The following REDIC1 variants were observed in gnomAD, a reference collection of about 807,000 sequenced individuals.
REDIC1 encodes HEI10 Interacting Protein 1.
the REDIC1 span, among the ~76,000 whole-genome samples, chr12:39,708,262 C>T: frequency 6.6e-6 from 1 of 151,722 alleles, no homozygotes; most frequent in Admixed American, 6.6e-5. Flanking sequence ...ATCAAAACAT[C>T]TCATGTGCCC....
the REDIC1 span, among the ~76,000 whole-genome samples, chr12:39,627,118 A>T: frequency 6.6e-6 from 1 of 152,196 alleles, no homozygotes; most frequent in Admixed American, 6.5e-5. Context: ...CCAGGACAGT[A>T]ATTATATGTT....
At chr12:39,777,475 G>C in the REDIC1 span, among the ~76,000 whole-genome samples, 2 of 152,222 alleles carry the variant, frequency 1.3e-5, no homozygotes, top group South Asian at 4.1e-4. Context: ...GCTAGGTAGA[G>C]GAGGGCGTGG....
chr12:39,658,724 T>G, the REDIC1 span, among the ~76,000 whole-genome samples: 1 of 152,218 alleles, frequency 6.6e-6, no homozygotes, highest in African/African-American at 2.4e-5. Flanking sequence ...TTATTAGCTA[T>G]AATTCTGTTT....
the REDIC1 span, among the ~76,000 whole-genome samples, chr12:39,723,963 A>G: frequency 2.0e-5 from 3 of 152,154 alleles, no homozygotes; most frequent in South Asian, 6.2e-4. Flanking sequence ...AGCAAATGCT[A>G]TCTGTGCCCA....
the REDIC1 span, among the ~76,000 whole-genome samples, chr12:39,802,864 CTAGGA>C: frequency 6.6e-6 from 1 of 151,946 alleles, no homozygotes; most frequent in Non-Finnish European, 1.5e-5. Context: ...AATGAATAAT[CTAGGA>C]ACCTCCAAGT....
chr12:39,866,896 A>G, the REDIC1 span, among the ~76,000 whole-genome samples: 24 of 152,310 alleles, frequency 1.6e-4, no homozygotes, highest in African/African-American at 5.5e-4. Flanking sequence ...AAGGATGGGG[A>G]GGATTAAAGA....
At chr12:39,891,753 C>G in the REDIC1 span, among the ~76,000 whole-genome samples, 1 of 152,160 alleles carries the variant, frequency 6.6e-6, no homozygotes, top group East Asian at 1.9e-4. Flanking sequence ...CAGATCAGGG[C>G]TCAGTCCCCT....
chr12:39,885,502 A>T, the REDIC1 span, among the ~76,000 whole-genome samples: 1 of 152,150 alleles, frequency 6.6e-6, no homozygotes, highest in African/African-American at 2.4e-5. Flanking sequence ...CTTCTATGGC[A>T]TGGCTTACCT....
At chr12:39,763,077 T>G in the REDIC1 span, among the ~76,000 whole-genome samples, 1 of 152,042 alleles carries the variant, frequency 6.6e-6, no homozygotes, top group South Asian at 2.1e-4. Flanking sequence ...ATTTAAGTGT[T>G]CTCTAGAATC....
the REDIC1 span, among the ~76,000 whole-genome samples, chr12:39,736,559 T>G: frequency 1.3e-5 from 2 of 152,322 alleles, no homozygotes; most frequent in Admixed American, 1.3e-4. Context: ...CCACAGAAGG[T>G]GGAGTCTAAT....
At chr12:39,849,965 C>T in the REDIC1 span, among the ~76,000 whole-genome samples, 1 of 151,716 alleles carries the variant, frequency 6.6e-6, no homozygotes, top group African/African-American at 2.4e-5. Flanking sequence ...TACTTTAATC[C>T]TATGGTTTAA....
At chr12:39,659,469 C>G in the REDIC1 span, among the ~76,000 whole-genome samples, 1 of 151,900 alleles carries the variant, frequency 6.6e-6, no homozygotes, top group Non-Finnish European at 1.5e-5. Context: ...TTTTTCCAGT[C>G]TTTTTTCTCT....
chr12:39,636,907 T>C, the REDIC1 span, among the ~76,000 whole-genome samples: 3 of 152,054 alleles, frequency 2.0e-5, no homozygotes, highest in Admixed American at 1.3e-4. Context: ...GGTAACTTTA[T>C]TGCATTTGTG....
the REDIC1 span, among the ~76,000 whole-genome samples, chr12:39,842,617 T>A: frequency 2.0e-5 from 3 of 151,944 alleles, no homozygotes; most frequent in Non-Finnish European, 4.4e-5. Context: ...TTTTTAAAAA[T>A]TTTTTACTGA....
the REDIC1 span, among the ~76,000 whole-genome samples, chr12:39,736,080 A>AT: frequency 6.6e-6 from 1 of 152,190 alleles, no homozygotes; most frequent in African/African-American, 2.4e-5. Context: ...AAACATCAGC[A>AT]TTTTTTAATG....
At chr12:39,830,220 T>C in the REDIC1 span, 6 of 1,612,324 alleles carry the variant, frequency 3.7e-6, no homozygotes, top group Non-Finnish European at 5.1e-6. Flanking sequence ...CATACATTCA[T>C]TACAGTAACT....
the REDIC1 span, among the ~76,000 whole-genome samples, chr12:39,732,577 C>T: frequency 6.6e-6 from 1 of 152,128 alleles, no homozygotes; most frequent in African/African-American, 2.4e-5. Flanking sequence ...AATACCCCCT[C>T]CTCCATCTAC....
chr12:39,846,236 T>C, the REDIC1 span, among the ~76,000 whole-genome samples: 4 of 152,150 alleles, frequency 2.6e-5, no homozygotes, highest in Non-Finnish European at 5.9e-5. Context: ...ATAGGTATTT[T>C]ATAGGTATTA....
At chr12:39,845,042 T>C in the REDIC1 span, among the ~76,000 whole-genome samples, 1 of 152,004 alleles carries the variant, frequency 6.6e-6, no homozygotes, top group Non-Finnish European at 1.5e-5. Flanking sequence ...AAGTTATAAA[T>C]TTAGAAATAA....
Sources: gnomAD v4.1 joint callset for allele counts (sites outside exome capture counted in the v4.1 genomes callset) on GRCh38, gnomAD v4.1.1 for gene constraint, MANE v1.5 for transcripts, NCBI Gene and HGNC (gene_info 2026-07-23, HGNC 2026-07-21) for gene names.